USP1: variants seen among roughly 807,000 people sequenced by gnomAD.
The protein encoded by USP1 is ubiquitin specific peptidase 1.
A neutral mutation model predicts 72.2 loss-of-function variants in USP1; 18 were observed. The ratio of observed to expected loss-of-function variants is 0.25; its 90% CI spans 0.17 to 0.37. The LOEUF (loss-of-function observed/expected upper bound fraction) is 0.37. USP1 is among the 10% of genes least tolerant of loss of function. USP1 has a pLI of 1.00. For missense variants in USP1, 759 were observed against 884.9 expected (o/e 0.86, Z 1.81); for synonymous variants, 354 against 303.7 (o/e 1.17, Z -1.72).
chr1:62,441,695 T>A, intron 3 of USP1, 87 bp downstream of exon 3: 2 of 1,422,840 alleles, frequency 1.4e-6, no homozygotes, highest in Non-Finnish European at 1.9e-6. Context: ...TGGAGGACTT[T>A]AATGTCCATA....
intron 6 of USP1, 101 bp downstream of exon 6, chr1:62,445,530 A>C (rs1449220373): frequency 1.7e-6 from 2 of 1,163,994 alleles, no homozygotes; most frequent in African/African-American, 3.1e-5. Flanking sequence ...TCTGGCTAAA[A>C]TTGTTTCAAG....
chr1:62,447,936 A>G (rs888617026), intron 7 of USP1, among the ~76,000 whole-genome samples: 4 of 152,068 alleles, frequency 2.6e-5, no homozygotes, highest in South Asian at 2.1e-4. Context: ...GCAGGTGCCC[A>G]CCACCACGCC....
intron 3 of USP1, 98 bp from the exon 4 acceptor site, chr1:62,442,097 C>A: frequency 1.3e-6 from 1 of 797,428 alleles, no homozygotes; most frequent in Non-Finnish European, 1.9e-6. Flanking sequence ...TAGGGTAATA[C>A]ATGTTAAAAG....
Position 62,437,177 on chromosome 1 carries a change from C to G in USP1, c.-293C>G, listed in dbSNP as rs1039114940. ...GGCGGGCGCAGATGGGCGCCGCTCCCGGGATGTAGTTGGTGTTGGTGCAAG... is the reference window on the plus strand; with the variant it reads ...GGCGGGCGCAGATGGGCGCCGCTCCGGGGATGTAGTTGGTGTTGGTGCAAG... On this transcript the variant is annotated 5_prime_UTR_variant, in exon 1 of 9. Coordinates refer to ENST00000339950, the MANE Select transcript of USP1 (RefSeq NM_003368.5). The G allele has an allele frequency of 2.5e-6, 1 of 398,930 alleles. No individual in the cohort carries two copies. The highest frequency in any genetic ancestry group is 4.4e-6 in the Non-Finnish European group (1 of 226,060). The allele number at this position is 398,930 out of a possible 1,614,324, so 24.7% of individuals were successfully genotyped here.
rs748066456 is a variant in USP1 at position 62,445,068 on chromosome 1, CCAGAGA to C, written c.891_896del (p.Arg298_Gln299del). 1 of 1,612,136 alleles carries C rather than the reference CCAGAGA, an allele frequency of 6.2e-7. No homozygotes were observed. Among genetic ancestry groups the C allele is most frequent in the Admixed American group, 1.7e-5 (1 of 59,686 alleles). ...AGGAACACCAGTCATTGGAAGAGAA[CCAGAGA>C]CAAACTAGATCAAAAAGAAAAGCTA... On this transcript the variant is annotated inframe_deletion, in exon 6 of 9. Transcript: ENST00000339950.
At chr1:62,447,861 A>G (rs1214657384) in intron 7 of USP1, among the ~76,000 whole-genome samples, 1 of 151,978 alleles carries the variant, frequency 6.6e-6, no homozygotes, top group Non-Finnish European at 1.5e-5. Context: ...ATCTCGGCTC[A>G]CTGCAAGCTC....
intron 5 of USP1, among the ~76,000 whole-genome samples, chr1:62,444,206 C>T (rs552686158): frequency 4.5e-4 from 66 of 147,286 alleles, no homozygotes; most frequent in Non-Finnish European, 7.8e-4. Context: ...TTGCAGTGAG[C>T]CAAGATTGCG....
intron 2 of USP1, among the ~76,000 whole-genome samples, chr1:62,440,360 G>GTT (rs1190357275): frequency 2.8e-5 from 4 of 141,276 alleles, no homozygotes; most frequent in East Asian, 4.0e-4. Context: ...GGGGTAAAAG[G>GTT]TTTTATATAT....
rs1645135556 is a variant in USP1, at chr1:62,441,699, G to A, written c.291+91G>A. ...TTTTGAGTTATTGGAGGACTTTAAT[G>A]TCCATACTGTCTTTGCCTTTGATTG... On this transcript the variant is annotated intron_variant, in intron 3 of 8. Coordinates refer to ENST00000339950, the MANE Select transcript of USP1 (RefSeq NM_003368.5). 14 of 1,390,710 alleles carry A rather than the reference G, an allele frequency of 1.0e-5. No homozygotes were observed. The East Asian group carries it at 3.2e-4, about 32-fold the overall frequency. 86.1% of individuals were successfully genotyped at this position (1,390,710 alleles called of 1,614,324 possible). A position where few individuals can be genotyped will look rare whatever the true frequency, so the allele number is the denominator to read the frequency against.
At chr1:62,447,850 G>A (rs1181416052) in intron 7 of USP1, among the ~76,000 whole-genome samples, 1 of 152,072 alleles carries the variant, frequency 6.6e-6, no homozygotes, top group African/African-American at 2.4e-5. Context: ...GCAGTGGCGT[G>A]ATCTCGGCTC....
At chr1:62,445,504 C>A in intron 6 of USP1, 75 bp downstream of exon 6, 1 of 1,302,430 alleles carries the variant, frequency 7.7e-7, no homozygotes, top group Non-Finnish European at 1.0e-6. Flanking sequence ...TTCCTAGATA[C>A]ATGTACAATA....
intron 5 of USP1, among the ~76,000 whole-genome samples, chr1:62,444,260 CAAA>C (rs34522182): frequency 1.4e-4 from 10 of 72,406 alleles, no homozygotes; most frequent in South Asian, 4.9e-4. Flanking sequence ...CCCTTGTCTC[CAAA>C]AAAAAAAAAA....
intron 1 of USP1, among the ~76,000 whole-genome samples, chr1:62,438,283 T>A (rs1645106500): frequency 1.3e-5 from 2 of 152,190 alleles, no homozygotes; most frequent in South Asian, 4.1e-4. Flanking sequence ...AAACCTTTTA[T>A]CAGAATCATT....
chr1:62,447,038 T>G (rs1179213437), intron 6 of USP1, among the ~76,000 whole-genome samples: 1 of 152,158 alleles, frequency 6.6e-6, no homozygotes, highest in African/African-American at 2.4e-5. Context: ...GGTCTTGAAC[T>G]CCGACCTCAG....
chr1:62,442,783 G>T (rs1157663724), intron 4 of USP1, among the ~76,000 whole-genome samples: 1 of 152,158 alleles, frequency 6.6e-6, no homozygotes, highest in Non-Finnish European at 1.5e-5. Flanking sequence ...GTGGTGGATT[G>T]CTTGAGCGCA....
chr1:62,448,462 T>C lies in USP1; in HGVS notation c.1421-3T>C, dbSNP rs773693845. ...ATTTGAGTGAAAGGATTCTCTTTTT[T>C]AGTTTCTCCAGAGCCAAAAACAGAA... On this transcript the variant is annotated splice_polypyrimidine_tract_variant and splice_region_variant and intron_variant, in intron 7 of 8. Transcript: ENST00000339950. 13 of 1,612,562 alleles carry C rather than the reference T, an allele frequency of 8.1e-6. No homozygotes were observed. The Admixed American group carries it at 1.0e-4, about 12-fold the overall frequency.
chr1:62,441,752 T>G, intron 3 of USP1, 144 bp downstream of exon 3: 1 of 1,018,286 alleles, frequency 9.8e-7, no homozygotes, highest in East Asian at 2.9e-5. Flanking sequence ...GCTAAAATAA[T>G]AAGTTACATG....
intron 8 of USP1, among the ~76,000 whole-genome samples, chr1:62,449,360 A>G (rs1233424506): frequency 6.6e-6 from 1 of 152,126 alleles, no homozygotes; most frequent in Non-Finnish European, 1.5e-5. Flanking sequence ...TAGTCTTTCA[A>G]CAGTTTGAAA....
At chr1:62,446,077 T>TG (rs2149206666) in intron 6 of USP1, among the ~76,000 whole-genome samples, 1 of 152,302 alleles carries the variant, frequency 6.6e-6, no homozygotes, top group Admixed American at 6.5e-5. Context: ...CATAAACTGA[T>TG]GAAGGACATT....
Sources: allele counts gnomAD v4.1 joint callset (sites outside exome capture counted in the v4.1 genomes callset), GRCh38; gene constraint gnomAD v4.1.1; transcripts MANE v1.5; gene names NCBI Gene and HGNC (gene_info 2026-07-23, HGNC 2026-07-21).